The following INPP4A variants were observed in gnomAD, a reference collection of about 807,000 sequenced individuals.
INPP4A encodes the protein inositol polyphosphate-4-phosphatase, type I, 107kD.
Under a neutral mutation model 119.8 loss-of-function variants are expected in INPP4A, and 33 were observed. The observed-to-expected ratio is 0.28, with a 90% confidence interval of 0.21 to 0.37. The LOEUF is 0.37. Ranked by LOEUF, INPP4A falls within the 10% of genes least tolerant of loss-of-function variation. INPP4A has a pLI of 1.00. For synonymous variants in INPP4A, 496 were observed against 500.7 expected (o/e 0.99, Z 0.12); for missense variants, 956 against 1,289.9 (o/e 0.74, Z 3.97).
In INPP4A at chr2:98,527,155, G is replaced by T. The variant is rs147269869; in HGVS notation, c.152-6222G>T. On this transcript the variant is annotated intron_variant, in intron 4 of 24. Coordinates refer to ENST00000409851, the MANE Select transcript of INPP4A (RefSeq NM_001134225.2). ...CTCTAGCTCCAAGTAGACTTTAAAGGCAACATCTTTGATGTTATAGTGAAA... is the reference window on the plus strand; with the variant it reads ...CTCTAGCTCCAAGTAGACTTTAAAGTCAACATCTTTGATGTTATAGTGAAA... Among the ~76,000 whole-genome samples, 3 of 152,238 alleles carry T rather than the reference G, an allele frequency of 2.0e-5. No homozygotes were observed. The East Asian group carries it at 5.8e-4, about 29-fold the overall frequency.
intron 24 of INPP4A, 70 bp downstream of exon 24, chr2:98,577,213 C>G (rs2106491096): frequency 1.4e-6 from 2 of 1,458,318 alleles, no homozygotes; most frequent in South Asian, 2.7e-5. Context: ...AGCTGGTACC[C>G]TGCTCCTGCC....
At chr2:98,495,589 T>C (rs1681762789) in intron 1 of INPP4A, among the ~76,000 whole-genome samples, 1 of 152,238 alleles carries the variant, frequency 6.6e-6, no homozygotes, top group Admixed American at 6.5e-5. Context: ...ACATGTAAGA[T>C]GTATATTAGT....
chr2:98,552,878 AAGTG>A lies in INPP4A; in HGVS notation c.1260_1263del (p.Ser421ThrfsTer48). The A allele has an allele frequency of 6.2e-7, 1 of 1,613,902 alleles. No homozygotes were observed. Among genetic ancestry groups the A allele is most frequent in the Non-Finnish European group, 8.5e-7 (1 of 1,179,832 alleles). ...GCCCAGATCAACACCCTGAAAACCC[AAGTG>A]AGTTACTACGCAGAGCGGCTGTCAA... On this transcript the variant is annotated frameshift_variant, in exon 14 of 25. Transcript: ENST00000409851. LOFTEE classifies it high-confidence loss of function.
chr2:98,490,785 T>C (rs975828752), intron 1 of INPP4A, among the ~76,000 whole-genome samples: 2 of 152,182 alleles, frequency 1.3e-5, no homozygotes, highest in Non-Finnish European at 2.9e-5. Flanking sequence ...GGGATGGAGA[T>C]CCTCTGCCTG....
intron 1 of INPP4A, among the ~76,000 whole-genome samples, chr2:98,481,271 A>T (rs1678383803): frequency 6.6e-6 from 1 of 152,078 alleles, no homozygotes; most frequent in South Asian, 2.1e-4. Flanking sequence ...GACTTGGAGG[A>T]ATGTGGACCT....
At chr2:98,527,829 A>T (rs1414904706) in intron 4 of INPP4A, among the ~76,000 whole-genome samples, 3 of 152,236 alleles carry the variant, frequency 2.0e-5, no homozygotes, top group Non-Finnish European at 4.4e-5. Context: ...CATGACAAAG[A>T]GTATTACTTT....
Position 98,546,150 on chromosome 2 carries a change from C to G in INPP4A, c.1054+77C>G. 1.0e-6 allele frequency: 1 copy of G among 956,136 alleles called. No individual in the cohort carries two copies. Among genetic ancestry groups the G allele is most frequent in the Non-Finnish European group, 1.6e-6 (1 of 613,646 alleles). The allele number at this position is 956,136 out of a possible 1,614,324, so 59.2% of individuals were successfully genotyped here. On this transcript the variant is annotated intron_variant, in intron 12 of 24. Coordinates refer to ENST00000409851, the MANE Select transcript of INPP4A (RefSeq NM_001134225.2). This position sits in a 1 kb window ranked among gnomAD's most constrained non-coding sequence, Gnocchi z 4.2. The stretch of plus-strand genomic sequence containing the variant: ...TGTGGGTACTTGGTCCCTGAGTACC[C>G]CACATCTGCCCATTTCCCTGTGTGC...
intron 1 of INPP4A, among the ~76,000 whole-genome samples, chr2:98,515,029 G>T (rs1685844863): frequency 6.6e-6 from 1 of 152,202 alleles, no homozygotes; most frequent in African/African-American, 2.4e-5. Flanking sequence ...CATAGGGCGG[G>T]CAGGGCAGCT....
At chr2:98,519,923 C>T in intron 2 of INPP4A, 23 bp from the exon 3 acceptor site, 1 of 719,582 alleles carries the variant, frequency 1.4e-6, no homozygotes, top group Admixed American at 2.2e-5. Flanking sequence ...CCCATGGTTT[C>T]TTACAAGTGC....
intron 16 of INPP4A, among the ~76,000 whole-genome samples, chr2:98,558,456 G>A (rs1042316923): frequency 6.6e-6 from 1 of 152,168 alleles, no homozygotes; most frequent in Non-Finnish European, 1.5e-5. Flanking sequence ...CGAAGAGGTC[G>A]AACTCTTGAA....
chr2:98,526,380 T>C (rs1688186207), intron 4 of INPP4A, among the ~76,000 whole-genome samples: 1 of 152,206 alleles, frequency 6.6e-6, no homozygotes, highest in Non-Finnish European at 1.5e-5. Flanking sequence ...CAATAAATAA[T>C]GAAGGTTCAT....
Position 98,566,900 on chromosome 2 carries a change from C to T in INPP4A, c.2420+731C>T, listed in dbSNP as rs1696564082. Among the ~76,000 whole-genome samples the T allele has an allele frequency of 6.6e-6, 1 of 152,184 alleles. No individual in the cohort carries two copies. Among genetic ancestry groups the T allele is most frequent in the Non-Finnish European group, 1.5e-5 (1 of 68,040 alleles). ...TGTGATATGTGTAGAATAGTCTAAA[C>T]AGAGATCTTCAAGTACTTGCTGTGA... On this transcript the variant is annotated intron_variant, in intron 21 of 24. Transcript: ENST00000409851. The surrounding 1 kb of genome is among the most constrained non-coding windows in gnomAD (Gnocchi z 4.2).
At chr2:98,489,094 CAG>C (rs1313843852) in intron 1 of INPP4A, among the ~76,000 whole-genome samples, 2 of 151,776 alleles carry the variant, frequency 1.3e-5, no homozygotes, top group Admixed American at 1.3e-4. Flanking sequence ...GTGACAAAAG[CAG>C]AGAGTCTCAA....
rs1381022484 is a variant in INPP4A, at chr2:98,592,252, G to C, written c.*4644G>C. 6.6e-6 allele frequency: 1 copy of C among 152,326 alleles called. No individual in the cohort carries two copies. The highest frequency in any genetic ancestry group is 1.5e-5 in the Non-Finnish European group (1 of 68,120). 9.4% of individuals were successfully genotyped at this position (152,326 alleles called of 1,614,324 possible). A position where few individuals can be genotyped will look rare whatever the true frequency, so the allele number is the denominator to read the frequency against. On this transcript the variant is annotated 3_prime_UTR_variant, in exon 25 of 25. Coordinates refer to ENST00000409851, the MANE Select transcript of INPP4A (RefSeq NM_001134225.2). ...TTCTGTAAGTTATAGTGAGGGCACT[G>C]CTCTGCTGTGCACAGAAGGAACCCC...
At chr2:98,571,494 G>GGGCA (rs1414238807) in intron 22 of INPP4A, among the ~76,000 whole-genome samples, 2 of 152,238 alleles carry the variant, frequency 1.3e-5, no homozygotes, top group African/African-American at 4.8e-5. Context: ...GCACCTTAGA[G>GGGCA]GGCAGGCAGT....
chr2:98,477,974 G>A (rs1364646069), intron 1 of INPP4A, among the ~76,000 whole-genome samples: 1 of 152,218 alleles, frequency 6.6e-6, no homozygotes, highest in Non-Finnish European at 1.5e-5. Flanking sequence ...TGGGACTGGA[G>A]TGGGAGGTGG....
At chr2:98,573,837 A>G (rs903919544) in intron 23 of INPP4A, among the ~76,000 whole-genome samples, 1 of 152,132 alleles carries the variant, frequency 6.6e-6, no homozygotes, top group Non-Finnish European at 1.5e-5. Flanking sequence ...GCACTTTTTG[A>G]ATGTGCTCCA....
intron 4 of INPP4A, among the ~76,000 whole-genome samples, chr2:98,522,070 A>G (rs767820711): frequency 6.6e-6 from 1 of 152,002 alleles, no homozygotes; most frequent in African/African-American, 2.4e-5. Context: ...GGCGGATCAC[A>G]TGAGGTCAGG....
At chr2:98,557,588 G>A (rs1359651195) in intron 16 of INPP4A, among the ~76,000 whole-genome samples, 3 of 152,230 alleles carry the variant, frequency 2.0e-5, no homozygotes, top group Non-Finnish European at 2.9e-5. Flanking sequence ...TATTATGTGA[G>A]AATAACTCTG....
Sources: allele counts gnomAD v4.1 joint callset (sites outside exome capture counted in the v4.1 genomes callset), GRCh38; gene constraint gnomAD v4.1.1; non-coding constraint Gnocchi (gnomAD v3.1); transcripts MANE v1.5; gene names NCBI Gene and HGNC (gene_info 2026-07-23, HGNC 2026-07-21).